The following SCLY variants were observed in gnomAD, a reference collection of about 807,000 sequenced individuals.
SCLY encodes the protein putative selenocysteine lyase.
A neutral mutation model predicts 50.1 loss-of-function variants in SCLY; 38 were observed. The ratio of observed to expected loss-of-function variants is 0.76; its 90% confidence interval spans 0.59 to 0.99. The LOEUF (loss-of-function observed/expected upper bound fraction) is 0.99. SCLY is among the 50% of genes least tolerant of loss of function. The pLI, the probability that SCLY is intolerant of heterozygous loss-of-function variation, is 0.00. For synonymous variants in SCLY, 243 were observed against 249.4 expected, an observed-to-expected ratio of 0.97 and a Z score of 0.24; for missense variants, 600 against 620.0, an observed-to-expected ratio of 0.97 and a Z score of 0.34.
Position 238,061,121 on chromosome 2 carries a change from G to C in SCLY, c.67G>C (p.Gly23Arg). ...CGCGGCGAGTCAGCCCAGCGGCTGCGGGAAACACAACTCGCCGGAGAGGTG... is the reference window on the plus strand; with the variant it reads ...CGCGGCGAGTCAGCCCAGCGGCTGCCGGAAACACAACTCGCCGGAGAGGTG... ...APAASQPSGC[G>R]KHNSPERKVY... is the part of the protein sequence containing the mutation. The change falls in exon 1 of 12, where the codon GGG (glycine) becomes CGG (arginine). Residue 23 changes from glycine to arginine, a missense_variant. Gly to Arg is a moderately radical substitution (Grantham distance 125). Transcript: ENST00000254663. 1 of 1,456,578 alleles carries C rather than the reference G, an allele frequency of 6.9e-7. No individual in the cohort carries two copies. The highest frequency in any genetic ancestry group is 9.0e-7 in the Non-Finnish European group (1 of 1,111,248). The allele number at this position is 1,456,578 out of a possible 1,614,324, so 90.2% of individuals were successfully genotyped here. A position where few individuals can be genotyped will look rare whatever the true frequency, so the allele number is the denominator to read the frequency against.
intron 8 of SCLY, chr2:238,092,554 A>G (rs1404673715): frequency 1.3e-5 from 2 of 152,246 alleles, no homozygotes; most frequent in Non-Finnish European, 2.9e-5. Context: ...CCTGGCTGCC[A>G]GATGGGAATC....
intron 1 of SCLY, among the ~76,000 whole-genome samples, chr2:238,063,389 A>G (rs1340834412): frequency 6.6e-6 from 1 of 151,850 alleles, no homozygotes; most frequent in Non-Finnish European, 1.5e-5. Context: ...AGTAGGGCTA[A>G]TGTTTGCATT....
At chr2:238,081,952 T>C (rs1252332709) in intron 5 of SCLY, 93 bp from the exon 6 acceptor site, 11 of 1,575,416 alleles carry the variant, frequency 7.0e-6, no homozygotes, top group African/African-American at 1.3e-5. Context: ...TTCACTTTGA[T>C]AACATTTGGC....
chr2:238,062,743 C>T (rs2106433823), intron 1 of SCLY, among the ~76,000 whole-genome samples: 1 of 152,358 alleles, frequency 6.6e-6, no homozygotes, highest in East Asian at 1.9e-4. Context: ...AAAGATGCTT[C>T]ATTTCAACTA....
intron 4 of SCLY, among the ~76,000 whole-genome samples, chr2:238,071,143 C>G (rs2065123347): frequency 6.6e-6 from 1 of 152,126 alleles, no homozygotes; most frequent in Non-Finnish European, 1.5e-5. Flanking sequence ...AGAGCCCAGC[C>G]TCTGGTACCT....
chr2:238,076,758 C>T (rs1044028173), intron 4 of SCLY, among the ~76,000 whole-genome samples: 2 of 150,836 alleles, frequency 1.3e-5, no homozygotes, highest in Non-Finnish European at 3.0e-5. Flanking sequence ...GTTTAATTTC[C>T]ATATGTTTTT....
chr2:238,084,047 C>T (rs2065263914), intron 7 of SCLY, among the ~76,000 whole-genome samples: 1 of 152,236 alleles, frequency 6.6e-6, no homozygotes, highest in Non-Finnish European at 1.5e-5. Context: ...CAGCCAGATG[C>T]TACAGGGGAA....
intron 8 of SCLY, 114 bp downstream of exon 8, chr2:238,091,368 G>A (rs1259165287): frequency 1.5e-5 from 13 of 876,744 alleles, no homozygotes; most frequent in Non-Finnish European, 2.3e-5. Context: ...CTCATAAGCG[G>A]ACTGACAAGA....
At position 238,083,778 on chromosome 2, in the gene SCLY, T is replaced by C. The variant is rs958679732; in HGVS notation, c.884+424T>C. Among the ~76,000 whole-genome samples, 5 of 152,140 alleles carry C rather than the reference T, an allele frequency of 3.3e-5. No homozygotes were observed. The highest frequency in any genetic ancestry group is 1.2e-4 in the African/African-American group (5 of 41,408). On this transcript the variant is annotated intron_variant, in intron 7 of 11. Transcript: ENST00000254663. This position sits in a 1 kb window ranked among gnomAD's most constrained non-coding sequence, Gnocchi z 4.3. ...TATAGTGACGTGTTAACTGGGAAAT[T>C]AGTTGTTGCCCCCACCACACCTTTT...
Position 238,067,426 on chromosome 2 carries a change from T to C in SCLY, c.203-639T>C, listed in dbSNP as rs999470682. ...GGACTCCTGGTGTGTACACTAAGAATGGTCACTGAAACTTTCGGCATTCCC... is the reference window on the plus strand; with the variant it reads ...GGACTCCTGGTGTGTACACTAAGAACGGTCACTGAAACTTTCGGCATTCCC... On this transcript the variant is annotated intron_variant, in intron 2 of 11. Coordinates refer to ENST00000254663, the MANE Select transcript of SCLY (RefSeq NM_016510.7). This position sits in a 1 kb window ranked among gnomAD's most constrained non-coding sequence, Gnocchi z 4.3. 6.6e-6 allele frequency among the ~76,000 whole-genome samples: 1 copy of C among 152,252 alleles called. No individual in the cohort carries two copies. The highest frequency in any genetic ancestry group is 2.4e-5 in the African/African-American group (1 of 41,472).
At chr2:238,094,938 C>A in intron 10 of SCLY, 1 of 168,920 alleles carries the variant, frequency 5.9e-6, no homozygotes, top group Non-Finnish European at 1.3e-5. Flanking sequence ...CACAGTGGCT[C>A]GTGCCTGTAA....
chr2:238,098,155 T>C (rs1392739740), intron 11 of SCLY, 47 bp from the exon 12 acceptor site: 6 of 1,590,750 alleles, frequency 3.8e-6, no homozygotes, highest in Non-Finnish European at 5.1e-6. Context: ...CTGTGTCTCT[T>C]CCATGTGCCC....
Position 238,098,621 on chromosome 2 carries a change from G to GACCGCCCACATAGGACCGCCCACATAGA in SCLY, c.*277_*278insAGGACCGCCCACATAGAACCGCCCACAT, listed in dbSNP as rs1416300389. The GACCGCCCACATAGGACCGCCCACATAGA allele has an allele frequency of 2.9e-5, 9 of 308,698 alleles. No individual in the cohort carries two copies. The highest frequency in any genetic ancestry group is 4.7e-5 in the Non-Finnish European group (8 of 171,290). 19.1% of individuals were successfully genotyped at this position (308,698 alleles called of 1,614,324 possible). ...CGCCCACATAGGACCGCCCACATGGGACCGCCCACATGGGACCGCCCACAT... is the reference window on the plus strand; with the variant it reads ...CGCCCACATAGGACCGCCCACATGGGACCGCCCACATAGGACCGCCCACATAGAACCGCCCACATGGGACCGCCCACAT... On this transcript the variant is annotated 3_prime_UTR_variant, in exon 12 of 12. Transcript: ENST00000254663.
chr2:238,068,306 T>TG, intron 3 of SCLY, 141 bp downstream of exon 3: 1 of 623,158 alleles, frequency 1.6e-6, no homozygotes, highest in African/African-American at 1.9e-5. Context: ...CCCAGTACTT[T>TG]GGGAGGCCAA....
In SCLY at chr2:238,082,140, G is replaced by T. The variant is rs868676086; in HGVS notation, c.708G>T (p.Gln236His). The T allele has an allele frequency of 3.1e-6, 5 of 1,612,984 alleles. No homozygotes were observed. The highest frequency in any genetic ancestry group is 3.4e-6 in the Non-Finnish European group (4 of 1,180,018). The part of the protein sequence containing the change: ...PPILVHTDAA[Q>H]ALGKQRVDVE... Reference sequence around the variant, plus strand: ...TCCTCGTGCACACGGATGCTGCACAGGCCTTGGGGAAGCAGCGCGTGGATG... The same window carrying T: ...TCCTCGTGCACACGGATGCTGCACATGCCTTGGGGAAGCAGCGCGTGGATG... Residue 236 changes from glutamine (Q) to histidine (H), a missense_variant, in exon 6 of 12, where the codon CAG becomes CAT. Transcript: ENST00000254663.
Position 238,061,201 on chromosome 2 carries a change from C to A in SCLY, c.89+58C>A, listed in dbSNP as rs767153732. 4 of 1,301,148 alleles carry A rather than the reference C, an allele frequency of 3.1e-6. No individual in the cohort carries two copies. The South Asian group carries it at 3.8e-5, about 12-fold the overall frequency. 80.6% of individuals were successfully genotyped at this position (1,301,148 alleles called of 1,614,324 possible). A position where few individuals can be genotyped will look rare whatever the true frequency, so the allele number is the denominator to read the frequency against. On this transcript the variant is annotated intron_variant, in intron 1 of 11. Transcript: ENST00000254663. ...CCGGCGCCTGTCGCCGATTGTCCCG[C>A]GCGGGAGGACGAAGGGGGCTCCCGG...
chr2:238,075,874 T>A (rs2262615), intron 4 of SCLY, among the ~76,000 whole-genome samples: 43,307 of 152,060 alleles, frequency 0.28, 6,558 homozygotes, highest in East Asian at 0.52. Context: ...CACTAACCTT[T>A]ATTAACCCAT....
chr2:238,091,530 GTGTCA>G, intron 8 of SCLY: 671 of 429,842 alleles, frequency 1.6e-3, no homozygotes, highest in Admixed American at 4.0e-3. Flanking sequence ...CAGAGGTGAA[GTGTCA>G]AGCTGCAGGT....
Position 238,099,197 on chromosome 2 carries a change from C to G in SCLY, c.*842C>G. The G allele has an allele frequency of 2.1e-6, 1 of 469,790 alleles. No homozygotes were observed. Among genetic ancestry groups the G allele is most frequent in the South Asian group, 1.6e-5 (1 of 64,110 alleles). The allele number at this position is 469,790 out of a possible 1,614,324, so 29.1% of individuals were successfully genotyped here. A position where few individuals can be genotyped will look rare whatever the true frequency, so the allele number is the denominator to read the frequency against. On this transcript the variant is annotated 3_prime_UTR_variant, in exon 12 of 12. Coordinates refer to ENST00000254663, the MANE Select transcript of SCLY (RefSeq NM_016510.7). Reference sequence around the variant, plus strand: ...TCCTGGGGTGGGAATCGGATCATCCCTGACTCAGCTTTTACCTTAATTTTA... The same window carrying G: ...TCCTGGGGTGGGAATCGGATCATCCGTGACTCAGCTTTTACCTTAATTTTA...
Sources: allele counts gnomAD v4.1 joint callset (sites outside exome capture counted in the v4.1 genomes callset), GRCh38; gene constraint gnomAD v4.1.1; non-coding constraint Gnocchi (gnomAD v3.1); transcripts MANE v1.5; gene names NCBI Gene and HGNC (gene_info 2026-07-23, HGNC 2026-07-21).